ADCY8: variants seen among roughly 807,000 people sequenced by gnomAD.
ADCY8 encodes adenylate cyclase type 8.
In ADCY8, 51 loss-of-function variants were observed where a neutral mutation model predicts 119.7. The ratio of observed to expected loss-of-function variants is 0.43; its 90% confidence interval spans 0.34 to 0.54. ADCY8 has a LOEUF of 0.54. ADCY8 is among the 20% of genes least tolerant of loss of function. The pLI is 0.03. For synonymous variants in ADCY8, 665 were observed against 651.0 expected (o/e 1.02, Z -0.33); for missense variants, 1,383 against 1,598.8 (o/e 0.87, Z 2.30).
intron 5 of ADCY8, 102 bp downstream of exon 5, chr8:130,936,971 C>A (rs1820806086): frequency 3.6e-6 from 5 of 1,375,950 alleles, no homozygotes; most frequent in South Asian, 1.8e-5. Context: ...TCAAAAGGTT[C>A]TGCCTTTCAC....
At chr8:130,871,333 C>T (rs1416950687) in intron 8 of ADCY8, among the ~76,000 whole-genome samples, 1 of 152,170 alleles carries the variant, frequency 6.6e-6, no homozygotes, top group Non-Finnish European at 1.5e-5. Context: ...CAGTTGTGAG[C>T]ATGAACTAAT....
intron 11 of ADCY8, among the ~76,000 whole-genome samples, chr8:130,843,166 A>C (rs1289315346): frequency 6.6e-6 from 1 of 152,210 alleles, no homozygotes; most frequent in East Asian, 1.9e-4. Flanking sequence ...GCAGCATATG[A>C]TGTAGAAACA....
intron 2 of ADCY8, among the ~76,000 whole-genome samples, chr8:130,976,130 G>C (rs1822065192): frequency 6.6e-6 from 1 of 152,122 alleles, no homozygotes; most frequent in African/African-American, 2.4e-5. Flanking sequence ...CTACTCCAAG[G>C]GGATAGCAGT....
chr8:131,027,732 T>G lies in ADCY8; in HGVS notation c.960+11642A>C, dbSNP rs1823864920. ...TAAAACTGGGGTAGAGATACAGGGT[T>G]AGGAGTTAGCAGCACAAAGATACAT... On this transcript the variant is annotated intron_variant, in intron 1 of 17. Coordinates refer to ENST00000286355, the MANE Select transcript of ADCY8 (RefSeq NM_001115.3). Among the ~76,000 whole-genome samples the G allele has an allele frequency of 2.0e-5, 3 of 152,106 alleles. No individual in the cohort carries two copies. The South Asian group carries it at 6.2e-4, about 32-fold the overall frequency.
chr8:130,829,571 C>T (rs183801), intron 12 of ADCY8, among the ~76,000 whole-genome samples: 92,787 of 151,628 alleles, frequency 0.61, 28,408 homozygotes, highest in South Asian at 0.71. Context: ...GTCAGAAGGT[C>T]TAAACATGTT....
At chr8:130,887,247 G>T (rs770621088) in intron 7 of ADCY8, among the ~76,000 whole-genome samples, 1 of 152,068 alleles carries the variant, frequency 6.6e-6, no homozygotes, top group South Asian at 2.1e-4. Context: ...ACTTCTGTAG[G>T]ATACAGACCA....
intron 13 of ADCY8, among the ~76,000 whole-genome samples, chr8:130,815,390 A>G (rs982153232): frequency 4.6e-5 from 7 of 152,246 alleles, no homozygotes; most frequent in African/African-American, 1.7e-4. Flanking sequence ...GGCTCATTAA[A>G]TAAGTTATCA....
intron 7 of ADCY8, among the ~76,000 whole-genome samples, chr8:130,887,625 G>C (rs1200052037): frequency 6.6e-6 from 1 of 152,084 alleles, no homozygotes; most frequent in Non-Finnish European, 1.5e-5. Context: ...GAGTATATGT[G>C]CTTAAGGGAA....
intron 9 of ADCY8, among the ~76,000 whole-genome samples, chr8:130,855,115 CTCT>C (rs781548832): frequency 0.042 from 3,235 of 76,296 alleles, 111 homozygotes; most frequent in African/African-American, 0.14. Context: ...CTCTCTCTCT[CTCT>C]TTTTTTTTTT....
At chr8:130,961,096 C>T (rs548614378) in intron 2 of ADCY8, among the ~76,000 whole-genome samples, 15 of 152,188 alleles carry the variant, frequency 9.9e-5, no homozygotes, top group African/African-American at 3.4e-4. Flanking sequence ...TCCTTAAAAT[C>T]TCCAATCACT....
intron 1 of ADCY8, among the ~76,000 whole-genome samples, chr8:131,035,392 T>C (rs1824119809): frequency 6.6e-6 from 1 of 152,184 alleles, no homozygotes; most frequent in African/African-American, 2.4e-5. Context: ...CTCTAGACAA[T>C]AATCTCTTTG....
chr8:130,815,280 A>T (rs899244902), intron 13 of ADCY8, among the ~76,000 whole-genome samples: 1 of 152,160 alleles, frequency 6.6e-6, no homozygotes, highest in African/African-American at 2.4e-5. Context: ...TGTTAAATAC[A>T]CTCAGTCTAT....
chr8:130,854,682 G>A (rs997963418), intron 9 of ADCY8, among the ~76,000 whole-genome samples: 1 of 152,156 alleles, frequency 6.6e-6, no homozygotes, highest in Non-Finnish European at 1.5e-5. Context: ...CTTGGCAAGT[G>A]GGCATTATCA....
chr8:130,867,343 C>T (rs762205725), intron 9 of ADCY8, among the ~76,000 whole-genome samples: 37 of 152,132 alleles, frequency 2.4e-4, no homozygotes, highest in Admixed American at 4.6e-4. Context: ...CAGTTCCCTC[C>T]TCTTTAAAAT....
At chr8:130,891,654 A>G (rs562803847) in intron 7 of ADCY8, among the ~76,000 whole-genome samples, 15 of 152,186 alleles carry the variant, frequency 9.9e-5, no homozygotes, top group African/African-American at 3.1e-4. Flanking sequence ...AAATGGCACA[A>G]TTTTTTTCCC....
intron 11 of ADCY8, 131 bp downstream of exon 11, chr8:130,847,293 A>G (rs931121637): frequency 3.3e-6 from 2 of 614,400 alleles, no homozygotes; most frequent in Non-Finnish European, 5.7e-6. Flanking sequence ...AAAGGAAAGA[A>G]GAAGAGGCAG....
At position 130,925,732 on chromosome 8, in the gene ADCY8, C is replaced by A. The variant is rs531047471; in HGVS notation, c.1481+11341G>T. ...AGTCAATTGAAAATTAGTTTAATGT[C>A]ATGATAAATGTTTGGTTTAATTAAA... On this transcript the variant is annotated intron_variant, in intron 5 of 17. Coordinates refer to ENST00000286355, the MANE Select transcript of ADCY8 (RefSeq NM_001115.3). 6.6e-5 allele frequency among the ~76,000 whole-genome samples: 10 copies of A among 152,286 alleles called. 1 individual carries two copies. The South Asian group carries it at 1.9e-3, about 28-fold the overall frequency.
intron 2 of ADCY8, among the ~76,000 whole-genome samples, chr8:130,963,750 G>C (rs1198878510): frequency 6.6e-6 from 1 of 152,158 alleles, no homozygotes; most frequent in African/African-American, 2.4e-5. Context: ...TTGATTGGCT[G>C]TTCTATCAGC....
intron 1 of ADCY8, among the ~76,000 whole-genome samples, chr8:131,033,436 T>C (rs544809160): frequency 6.6e-6 from 1 of 152,328 alleles, no homozygotes; most frequent in South Asian, 2.1e-4. Flanking sequence ...ATATGACTAA[T>C]GCATTTGTCC....
Sources: allele counts gnomAD v4.1 joint callset (sites outside exome capture counted in the v4.1 genomes callset), GRCh38; gene constraint gnomAD v4.1.1; transcripts MANE v1.5; gene names NCBI Gene and HGNC (gene_info 2026-07-23, HGNC 2026-07-21).